ENOX1: variants seen among roughly 807,000 people sequenced by gnomAD.
ENOX1 encodes candidate growth-related and time keeping constitutive hydroquinone (NADH) oxidase.
In ENOX1, 42 loss-of-function variants were observed where a neutral mutation model predicts 82.5. The ratio of observed to expected loss-of-function variants is 0.51; its 90% CI spans 0.40 to 0.66. The LOEUF is 0.66. Among genes scored for constraint, ENOX1 ranks in the 30% least tolerant of loss-of-function variants. ENOX1 has a pLI of 0.00. For synonymous variants in ENOX1, 271 were observed against 282.2 expected (o/e 0.96, Z 0.40); for missense variants, 608 against 811.6 (o/e 0.75, Z 3.05).
At chr13:43,526,080 T>G (rs1380697638) in intron 2 of ENOX1, among the ~76,000 whole-genome samples, 1 of 152,186 alleles carries the variant, frequency 6.6e-6, no homozygotes, top group Non-Finnish European at 1.5e-5. Context: ...CAATGCTCTA[T>G]GCAGGCTGGA....
At chr13:43,752,010 A>C (rs565652398) in intron 1 of ENOX1, among the ~76,000 whole-genome samples, 1 of 152,282 alleles carries the variant, frequency 6.6e-6, no homozygotes, top group South Asian at 2.1e-4. Flanking sequence ...GTGTGTGAAA[A>C]TTCCATTTCC....
chr13:43,742,397 A>G (rs975309180), intron 1 of ENOX1, among the ~76,000 whole-genome samples: 7 of 151,884 alleles, frequency 4.6e-5, no homozygotes, highest in Non-Finnish European at 1.0e-4. Flanking sequence ...TGGATACTCA[A>G]GCAAAGAGAG....
intron 2 of ENOX1, among the ~76,000 whole-genome samples, chr13:43,657,726 C>T (rs779409849): frequency 2.6e-5 from 4 of 152,240 alleles, no homozygotes; most frequent in Admixed American, 6.5e-5. Flanking sequence ...AAAATTCTGT[C>T]TATACATACC....
At position 43,468,634 on chromosome 13, in the gene ENOX1, GAA is replaced by G. The variant is rs60827645; in HGVS notation, c.-75+15373_-75+15374del. On this transcript the variant is annotated intron_variant, in intron 3 of 16. Transcript: ENST00000690772. ...GTGAGACCCCATTCTCCACAAAAAA[GAA>G]AAAAAAAAAAAAACAAAGCCAGATA... Among the ~76,000 whole-genome samples, 786 of 127,508 alleles carry G rather than the reference GAA, an allele frequency of 6.2e-3. 3 individuals are homozygous for G. Among genetic ancestry groups the G allele is most frequent in the African/African-American group, 0.021 (701 of 34,140 alleles). 83.7% of individuals were successfully genotyped at this position (127,508 alleles called of 152,430 possible).
intron 3 of ENOX1, among the ~76,000 whole-genome samples, chr13:43,454,990 T>C (rs2057159086): frequency 6.6e-6 from 1 of 152,094 alleles, no homozygotes; most frequent in Admixed American, 6.5e-5. Context: ...TTTAACACCA[T>C]TTTGTGAAAT....
intron 1 of ENOX1, among the ~76,000 whole-genome samples, chr13:43,770,341 G>A (rs1269854765): frequency 6.6e-6 from 1 of 152,188 alleles, no homozygotes; most frequent in Admixed American, 6.5e-5. Flanking sequence ...GAAAGTTAAT[G>A]TGCTCCTAGA....
intron 12 of ENOX1, among the ~76,000 whole-genome samples, chr13:43,291,811 A>G (rs1216609374): frequency 6.6e-6 from 1 of 152,184 alleles, no homozygotes; most frequent in Admixed American, 6.5e-5. Flanking sequence ...CAATGAATAA[A>G]CTTACAAAAA....
rs139747763 is a variant in ENOX1 at position 43,425,818 on chromosome 13, T to C, written c.-74-12830A>G. Among the ~76,000 whole-genome samples the C allele has an allele frequency of 2.6e-5, 4 of 152,368 alleles. 1 individual carries two copies. The highest frequency in any genetic ancestry group is 9.6e-5 in the African/African-American group (4 of 41,584). On this transcript the variant is annotated intron_variant, in intron 3 of 16. Coordinates refer to ENST00000690772, the MANE Select transcript of ENOX1 (RefSeq NM_001347969.2). ...AGTATTCACATGAAAGTCATTATAG[T>C]TGAAAACCATTTGTAACTGGGCTAT...
intron 3 of ENOX1, among the ~76,000 whole-genome samples, chr13:43,470,372 ATATACATATATATACGTATATATATGTG>A (rs1566308017): frequency 1.8e-3 from 53 of 29,762 alleles, no homozygotes; most frequent in African/African-American, 4.1e-3. Context: ...ATACGTATAT[ATATACATATATATACGTATATATATGTG>A]TATATATATA....
chr13:43,344,905 A>C (rs563783889), intron 8 of ENOX1, among the ~76,000 whole-genome samples, 155 bp from the exon 9 acceptor site: 28 of 152,302 alleles, frequency 1.8e-4, no homozygotes, highest in African/African-American at 6.3e-4. Context: ...CCATATCATC[A>C]CTTAACTTCT....
At chr13:43,657,498 G>T (rs1042736106) in intron 2 of ENOX1, among the ~76,000 whole-genome samples, 8 of 152,156 alleles carry the variant, frequency 5.3e-5, no homozygotes, top group African/African-American at 1.9e-4. Flanking sequence ...TAAAGGCATG[G>T]TCCTCATGGC....
intron 9 of ENOX1, among the ~76,000 whole-genome samples, chr13:43,341,484 G>T (rs186472215): frequency 2.0e-5 from 3 of 152,280 alleles, no homozygotes; most frequent in East Asian, 1.9e-4. Flanking sequence ...GTGGAAGGTG[G>T]TTTTGATGGG....
intron 1 of ENOX1, among the ~76,000 whole-genome samples, chr13:43,691,171 A>G (rs1319406846): frequency 6.6e-6 from 1 of 152,012 alleles, no homozygotes; most frequent in Admixed American, 6.6e-5. Context: ...AATCAAAACC[A>G]TTTACCAATA....
chr13:43,568,184 T>C (rs1424904314), intron 2 of ENOX1, among the ~76,000 whole-genome samples: 1 of 152,230 alleles, frequency 6.6e-6, no homozygotes, highest in Non-Finnish European at 1.5e-5. Context: ...AGTATATAAC[T>C]ACAGCAACAA....
rs111896244 is a variant in ENOX1, at chr13:43,694,782, C to T, written c.-284-27238G>A. 4.1e-3 allele frequency among the ~76,000 whole-genome samples: 623 copies of T among 152,318 alleles called. 7 individuals carry two copies. Among genetic ancestry groups the T allele is most frequent in the African/African-American group, 0.014 (564 of 41,560 alleles). On this transcript the variant is annotated intron_variant, in intron 1 of 16. Coordinates refer to ENST00000690772, the MANE Select transcript of ENOX1 (RefSeq NM_001347969.2). The stretch of plus-strand genomic sequence containing the variant: ...CAAGACAAGACTCACTTCTACCCTT[C>T]CTCAGTGACTTCCTTGTTTTATAAA...
intron 1 of ENOX1, among the ~76,000 whole-genome samples, chr13:43,767,115 C>T (rs542610235): frequency 7.8e-4 from 118 of 152,230 alleles, no homozygotes; most frequent in African/African-American, 2.6e-3. Context: ...ATTAGTTTCA[C>T]GGGGAATGAG....
chr13:43,449,715 T>C (rs908499784), intron 3 of ENOX1, among the ~76,000 whole-genome samples: 1 of 152,092 alleles, frequency 6.6e-6, no homozygotes, highest in Non-Finnish European at 1.5e-5. Context: ...GAAAAGTCCC[T>C]TTTATGTTCT....
intron 12 of ENOX1, among the ~76,000 whole-genome samples, chr13:43,276,864 T>G (rs760395824): frequency 2.6e-5 from 4 of 152,230 alleles, no homozygotes; most frequent in African/African-American, 4.8e-5. Context: ...GCTTGAATTT[T>G]CTTGTTACAT....
At position 43,687,991 on chromosome 13, in the gene ENOX1, CA is replaced by C. The variant is rs372863899; in HGVS notation, c.-284-20448del. On this transcript the variant is annotated intron_variant, in intron 1 of 16. Transcript: ENST00000690772. ...GAAACTAGAGAGAACACAATATAAA[CA>C]AAATACTCAAAGCTACTGAGGAGGG... Among the ~76,000 whole-genome samples, 191 of 152,064 alleles carry C rather than the reference CA, an allele frequency of 1.3e-3. 1 individual carries two copies. The highest frequency in any genetic ancestry group is 4.3e-3 in the African/African-American group (179 of 41,516).
Sources: gnomAD v4.1 joint callset for allele counts (sites outside exome capture counted in the v4.1 genomes callset) on GRCh38, gnomAD v4.1.1 for gene constraint, MANE v1.5 for transcripts, NCBI Gene and HGNC (gene_info 2026-07-23, HGNC 2026-07-21) for gene names.